The following CWF19L2 variants were observed in gnomAD, a reference collection of about 807,000 sequenced individuals.
CWF19L2 encodes the protein CWF19-like protein 2.
A neutral mutation model predicts 111.7 loss-of-function variants in CWF19L2; 98 were observed. The ratio of observed to expected loss-of-function variants is 0.88; its 90% confidence interval spans 0.75 to 1.04. The LOEUF (loss-of-function observed/expected upper bound fraction) is 1.04. CWF19L2 is among the 50% of genes least tolerant of loss of function. CWF19L2 has a pLI of 0.00. For synonymous variants in CWF19L2, 351 were observed against 342.9 expected (o/e 1.02, Z -0.26); for missense variants, 1,101 against 1,051.4 (o/e 1.05, Z -0.65).
chr11:107,361,179 C>A (rs1319631240), intron 12 of CWF19L2, among the ~76,000 whole-genome samples: 1 of 152,172 alleles, frequency 6.6e-6, no homozygotes, highest in African/African-American at 2.4e-5. Context: ...TAGGGCAAAC[C>A]AATTTTCCCA....
At chr11:107,383,625 T>C (rs1050942150) in intron 12 of CWF19L2, among the ~76,000 whole-genome samples, 1 of 152,220 alleles carries the variant, frequency 6.6e-6, no homozygotes, top group Non-Finnish European at 1.5e-5. Flanking sequence ...ATGAGATACC[T>C]TTCTTGGTTT....
At chr11:107,425,478 C>T (rs1177629794) in intron 8 of CWF19L2, among the ~76,000 whole-genome samples, 1 of 151,900 alleles carries the variant, frequency 6.6e-6, no homozygotes, top group African/African-American at 2.4e-5. Context: ...AGCCTAGAGG[C>T]AACAGGCTGT....
chr11:107,353,257 T>C (rs1032367183), intron 13 of CWF19L2, among the ~76,000 whole-genome samples: 3 of 152,184 alleles, frequency 2.0e-5, no homozygotes, highest in African/African-American at 7.2e-5. Context: ...ATATTAGGTA[T>C]ACAAAAATTA....
intron 7 of CWF19L2, 24 bp from the exon 8 acceptor site, chr11:107,429,475 A>G (rs1257504966): frequency 6.7e-7 from 1 of 1,497,644 alleles, no homozygotes; most frequent in Non-Finnish European, 8.9e-7. Flanking sequence ...AAATTAAACA[A>G]GATATCTAAA....
intron 12 of CWF19L2, among the ~76,000 whole-genome samples, chr11:107,378,511 G>T (rs1860630355): frequency 1.3e-5 from 2 of 152,124 alleles, no homozygotes; most frequent in African/African-American, 4.8e-5. Flanking sequence ...GTAAACTATT[G>T]CAAGAACAAA....
Position 107,429,495 on chromosome 11 carries a change from G to A in CWF19L2, c.781-44C>T, listed in dbSNP as rs190242649. 8.3e-6 allele frequency: 12 copies of A among 1,441,922 alleles called. No individual in the cohort carries two copies. The East Asian group carries it at 9.9e-5, about 12-fold the overall frequency. 89.3% of individuals were successfully genotyped at this position (1,441,922 alleles called of 1,614,324 possible). ...AAACAAGATATCTAAAATTAGGAAC[G>A]GCTCAGTGACTTGCACCCCACATGT... On this transcript the variant is annotated intron_variant, in intron 7 of 17. Transcript: ENST00000282251.
At chr11:107,339,587 A>G (rs1180751102) in intron 14 of CWF19L2, among the ~76,000 whole-genome samples, 1 of 151,854 alleles carries the variant, frequency 6.6e-6, no homozygotes, top group Non-Finnish European at 1.5e-5. Flanking sequence ...ATGATATTAA[A>G]TATCATTTTT....
intron 12 of CWF19L2, among the ~76,000 whole-genome samples, chr11:107,360,577 GC>G (rs1426279952): frequency 6.6e-6 from 1 of 152,098 alleles, no homozygotes; most frequent in African/African-American, 2.4e-5. Flanking sequence ...TTCCATAGAG[GC>G]CGTACCAATT....
At chr11:107,436,419 T>C (rs1861542462) in intron 6 of CWF19L2, among the ~76,000 whole-genome samples, 1 of 152,168 alleles carries the variant, frequency 6.6e-6, no homozygotes, top group African/African-American at 2.4e-5. Flanking sequence ...CAAATGAATC[T>C]GGGCTATATT....
intron 12 of CWF19L2, among the ~76,000 whole-genome samples, chr11:107,388,525 A>G (rs517240): frequency 0.54 from 81,356 of 151,822 alleles, 22,822 homozygotes; most frequent in African/African-American, 0.72. Flanking sequence ...TGGGACTACA[A>G]GTGCGTGCCA....
chr11:107,396,947 G>A (rs7120609), intron 10 of CWF19L2, among the ~76,000 whole-genome samples: 6,839 of 152,172 alleles, frequency 0.045, 489 homozygotes, highest in African/African-American at 0.15. Context: ...GACTTTACTT[G>A]GAGTTGAGTC....
intron 12 of CWF19L2, among the ~76,000 whole-genome samples, chr11:107,367,109 A>C (rs1482871964): frequency 8.7e-6 from 1 of 115,130 alleles, no homozygotes. Flanking sequence ...GAGAAATGCA[A>C]ATCAAAACCA....
At chr11:107,340,101 C>T (rs948160276) in intron 14 of CWF19L2, among the ~76,000 whole-genome samples, 2 of 152,086 alleles carry the variant, frequency 1.3e-5, no homozygotes, top group African/African-American at 4.8e-5. Flanking sequence ...TTTGTCTTTT[C>T]ATCTTCATAT....
At chr11:107,363,102 G>A (rs11530712) in intron 12 of CWF19L2, among the ~76,000 whole-genome samples, 4,196 of 152,134 alleles carry the variant, frequency 0.028, 104 homozygotes, top group East Asian at 0.11. Flanking sequence ...ATGAAATGAA[G>A]CGAGAAGGGA....
At chr11:107,454,242 T>A (rs561515531) in intron 3 of CWF19L2, among the ~76,000 whole-genome samples, 1 of 152,226 alleles carries the variant, frequency 6.6e-6, no homozygotes, top group African/African-American at 2.4e-5. Flanking sequence ...CCAAATCATA[T>A]CCCTATCCTC....
chr11:107,340,947 A>C (rs1224582606), intron 14 of CWF19L2, among the ~76,000 whole-genome samples: 5 of 152,144 alleles, frequency 3.3e-5, no homozygotes, highest in Non-Finnish European at 7.4e-5. Flanking sequence ...TGGATTCCAT[A>C]TTTACAAATT....
At chr11:107,425,061 G>C (rs969178464) in intron 8 of CWF19L2, among the ~76,000 whole-genome samples, 1 of 151,324 alleles carries the variant, frequency 6.6e-6, no homozygotes, top group African/African-American at 2.4e-5. Flanking sequence ...CCTGCAAAAA[G>C]AAAAAAAGCC....
chr11:107,380,705 A>G (rs1311424701), intron 12 of CWF19L2, among the ~76,000 whole-genome samples: 1 of 152,228 alleles, frequency 6.6e-6, no homozygotes, highest in East Asian at 1.9e-4. Flanking sequence ...CATATGGTCT[A>G]GCAATTCCAT....
chr11:107,422,878 T>C (rs961439401), intron 8 of CWF19L2, among the ~76,000 whole-genome samples: 3 of 151,900 alleles, frequency 2.0e-5, no homozygotes, highest in East Asian at 1.9e-4. Flanking sequence ...CTACAGAAAA[T>C]GTATAGTAGC....
Sources: gnomAD v4.1 joint callset for allele counts (sites outside exome capture counted in the v4.1 genomes callset) on GRCh38, gnomAD v4.1.1 for gene constraint, MANE v1.5 for transcripts, NCBI Gene and HGNC (gene_info 2026-07-23, HGNC 2026-07-21) for gene names.